Variants in KIAA1328 observed in about 807,000 individuals in gnomAD.
KIAA1328 encodes the protein KIAA1328, also known as protein hinderin.
Under a neutral mutation model 68.1 loss-of-function variants are expected in KIAA1328, and 52 were observed. The ratio of observed to expected loss-of-function variants is 0.76; its 90% CI spans 0.61 to 0.96. KIAA1328 has a LOEUF of 0.96. KIAA1328 is among the 40% of genes least tolerant of loss of function. The probability of loss-of-function intolerance (pLI) is 0.00; values close to 1 mark genes in which losing one functional copy is unlikely to be tolerated. For missense variants in KIAA1328, 641 were observed against 677.6 expected (o/e 0.95, Z 0.60); for synonymous variants, 232 against 239.4 (o/e 0.97, Z 0.28).
At chr18:37,221,763 A>G (rs1200722094) in intron 9 of KIAA1328, among the ~76,000 whole-genome samples, 2 of 152,194 alleles carry the variant, frequency 1.3e-5, no homozygotes, top group Admixed American at 6.5e-5. Flanking sequence ...TTCCCACTCT[A>G]CAATCTCTCT....
In KIAA1328 at chr18:37,104,679, G is replaced by C. The variant is rs775998292; in HGVS notation, c.1232+37134G>C. Among the ~76,000 whole-genome samples, 15 of 152,164 alleles carry C rather than the reference G, an allele frequency of 9.9e-5. No individual in the cohort carries two copies. In the South Asian group the frequency reaches 2.9e-3, roughly 29 times the overall value. On this transcript the variant is annotated intron_variant, in intron 7 of 9. Transcript: ENST00000280020. Reference sequence around the variant, plus strand: ...CACCATAAAGAAATGATAAATATTTGAGGTGATTGATATCCTAAATACCCT... The same window carrying C: ...CACCATAAAGAAATGATAAATATTTCAGGTGATTGATATCCTAAATACCCT...
intron 7 of KIAA1328, among the ~76,000 whole-genome samples, chr18:37,083,516 C>G (rs967326564): frequency 2.6e-5 from 4 of 152,232 alleles, no homozygotes; most frequent in African/African-American, 9.6e-5. Context: ...GATTAACACT[C>G]AACTCCCGGT....
At chr18:37,126,320 C>T (rs2151945393) in intron 7 of KIAA1328, among the ~76,000 whole-genome samples, 1 of 152,240 alleles carries the variant, frequency 6.6e-6, no homozygotes, top group South Asian at 2.1e-4. Context: ...ATATAAACAA[C>T]TTTATGCCAA....
intron 5 of KIAA1328, among the ~76,000 whole-genome samples, chr18:36,958,469 G>A (rs773675440): frequency 5.9e-5 from 9 of 152,174 alleles, no homozygotes; most frequent in South Asian, 2.1e-4. Flanking sequence ...CATTAGTTAC[G>A]TAGGAGGGTT....
chr18:37,104,189 A>G (rs560842019), intron 7 of KIAA1328, among the ~76,000 whole-genome samples: 44 of 152,352 alleles, frequency 2.9e-4, no homozygotes, highest in African/African-American at 1.0e-3. Context: ...AGGAAAGGAA[A>G]TCAGTTATCA....
Position 37,160,276 on chromosome 18 carries a change from A to G in KIAA1328, c.1309A>G (p.Ser437Gly), listed in dbSNP as rs532626679. 1.2e-6 allele frequency: 2 copies of G among 1,613,722 alleles called. No homozygotes were observed. The highest frequency in any genetic ancestry group is 1.1e-5 in the South Asian group (1 of 91,052). Residue 437 changes from serine (S) to glycine (G), a missense_variant, in exon 8 of 10, where the codon AGT becomes GGT. Physicochemically the swap from Ser to Gly is moderately conservative, Grantham distance 56 (BLOSUM62 0). Coordinates refer to ENST00000280020, the MANE Select transcript of KIAA1328 (RefSeq NM_020776.3). ...TAAAAAGCACCAAGACCCCCCAAAC[A>G]GTGGAGAGAATAGGAAGGAGAGGAA... is the stretch of plus-strand genomic sequence containing the variant. ...SIKKHQDPPNSGENRKERKTV... is the reference protein window; with the variant it reads ...SIKKHQDPPNGGENRKERKTV...
intron 7 of KIAA1328, among the ~76,000 whole-genome samples, chr18:37,111,129 T>C (rs1023213286): frequency 1.3e-5 from 2 of 152,184 alleles, no homozygotes; most frequent in Non-Finnish European, 2.9e-5. Context: ...CAGTAGGAGA[T>C]ATATATTATA....
intron 6 of KIAA1328, among the ~76,000 whole-genome samples, chr18:36,977,776 T>A (rs956339328): frequency 2.6e-5 from 4 of 151,972 alleles, no homozygotes; most frequent in African/African-American, 7.2e-5. Context: ...GTTTTTTATT[T>A]TATTTTATTT....
At chr18:37,161,771 G>A (rs1040580142) in intron 8 of KIAA1328, among the ~76,000 whole-genome samples, 5 of 152,202 alleles carry the variant, frequency 3.3e-5, no homozygotes, top group African/African-American at 7.2e-5. Flanking sequence ...TTTGTGTTGC[G>A]TGGCAGCACT....
intron 7 of KIAA1328, among the ~76,000 whole-genome samples, chr18:37,106,961 T>C (rs2057793487): frequency 6.6e-6 from 1 of 152,196 alleles, no homozygotes; most frequent in African/African-American, 2.4e-5. Context: ...ACTGAATTCT[T>C]GGCCAGGTGC....
chr18:37,101,285 T>C (rs2057607250), intron 7 of KIAA1328, among the ~76,000 whole-genome samples: 1 of 151,854 alleles, frequency 6.6e-6, no homozygotes, highest in African/African-American at 2.4e-5. Context: ...ATTAGACAAA[T>C]GGCTAACTAG....
At chr18:36,931,465 C>G (rs1229968312) in intron 5 of KIAA1328, among the ~76,000 whole-genome samples, 1 of 151,996 alleles carries the variant, frequency 6.6e-6, no homozygotes, top group Non-Finnish European at 1.5e-5. Context: ...AATTTCATCC[C>G]CAAACTGTTC....
At position 37,224,659 on chromosome 18, in the gene KIAA1328, C is replaced by G; in HGVS notation, c.*2432C>G. 1 of 985,440 alleles carries G rather than the reference C, an allele frequency of 1.0e-6. No individual in the cohort carries two copies. Among genetic ancestry groups the G allele is most frequent in the Non-Finnish European group, 1.2e-6 (1 of 829,930 alleles). 61.0% of individuals were successfully genotyped at this position (985,440 alleles called of 1,614,324 possible). On this transcript the variant is annotated 3_prime_UTR_variant, in exon 10 of 10. Coordinates refer to ENST00000280020, the MANE Select transcript of KIAA1328 (RefSeq NM_020776.3). ...TACAGAGCCTCAAAGCTGTTGCAGACTATCCCAAGAGAAAGGATCTGGCAC... is the reference window on the plus strand; with the variant it reads ...TACAGAGCCTCAAAGCTGTTGCAGAGTATCCCAAGAGAAAGGATCTGGCAC...
intron 7 of KIAA1328, among the ~76,000 whole-genome samples, chr18:37,135,545 CTTGT>C (rs1360634677): frequency 6.6e-6 from 1 of 151,912 alleles, no homozygotes; most frequent in African/African-American, 2.4e-5. Context: ...TTGTTTTTTG[CTTGT>C]TTAACTGTTT....
At chr18:37,148,292 T>C (rs530556256) in intron 7 of KIAA1328, among the ~76,000 whole-genome samples, 2 of 152,322 alleles carry the variant, frequency 1.3e-5, no homozygotes, top group South Asian at 4.1e-4. Context: ...TCTGTGTCCC[T>C]GAAAGGACAT....
intron 6 of KIAA1328, among the ~76,000 whole-genome samples, chr18:36,990,575 G>A (rs906710344): frequency 6.6e-6 from 1 of 151,978 alleles, no homozygotes; most frequent in Non-Finnish European, 1.5e-5. Flanking sequence ...GGAGGCTGAG[G>A]CAGGAGAATT....
intron 5 of KIAA1328, among the ~76,000 whole-genome samples, chr18:36,887,381 A>G (rs542953670): frequency 6.6e-6 from 1 of 152,198 alleles, no homozygotes; most frequent in South Asian, 2.1e-4. Flanking sequence ...TTTATTTCTC[A>G]CATAACAAGT....
chr18:36,920,770 G>GT (rs552503524), intron 5 of KIAA1328, among the ~76,000 whole-genome samples: 8 of 151,996 alleles, frequency 5.3e-5, no homozygotes, highest in Admixed American at 3.3e-4. Context: ...GCTTTCCAGT[G>GT]TTTTTTTTCA....
chr18:36,952,425 G>A (rs2051198377), intron 5 of KIAA1328, among the ~76,000 whole-genome samples: 1 of 151,836 alleles, frequency 6.6e-6, no homozygotes, highest in South Asian at 2.1e-4. Context: ...TTTAAAAAAT[G>A]TATTGAATAT....
Sources: allele counts gnomAD v4.1 joint callset (sites outside exome capture counted in the v4.1 genomes callset), GRCh38; gene constraint gnomAD v4.1.1; transcripts MANE v1.5; gene names NCBI Gene and HGNC (gene_info 2026-07-23, HGNC 2026-07-21).